The following COL19A1 variants were observed in gnomAD, a reference collection of about 807,000 sequenced individuals.
The protein encoded by COL19A1 is collagen type XIX alpha 1 chain.
COL19A1 carries 159 observed loss-of-function variants against 190.2 expected under a neutral mutation model. The observed-to-expected ratio is 0.84, with a 90% CI of 0.73 to 0.95. COL19A1 has a LOEUF of 0.95. COL19A1 is among the 40% of genes least tolerant of loss of function. The pLI is 0.00. For synonymous variants in COL19A1, 509 were observed against 458.9 expected (o/e 1.11, Z -1.39); for missense variants, 1,418 against 1,431.9 (o/e 0.99, Z 0.16).
intron 39 of COL19A1, 64 bp from the exon 40 acceptor site, chr6:70,168,591 G>A: frequency 6.5e-7 from 1 of 1,548,612 alleles, no homozygotes. Context: ...GGACAACAGT[G>A]TTTCTTATTC....
chr6:69,970,573 G>A (rs1401240999), intron 11 of COL19A1, among the ~76,000 whole-genome samples: 1 of 151,954 alleles, frequency 6.6e-6, no homozygotes, highest in African/African-American at 2.4e-5. Flanking sequence ...TGGTGATTAT[G>A]CCTATTATTT....
chr6:70,086,254 C>T (rs1782584547), intron 15 of COL19A1, among the ~76,000 whole-genome samples: 1 of 152,010 alleles, frequency 6.6e-6, no homozygotes, highest in Admixed American at 6.6e-5. Flanking sequence ...ATATAACAAA[C>T]TATACACACC....
chr6:69,961,793 C>A (rs894536675), intron 10 of COL19A1, among the ~76,000 whole-genome samples: 1 of 151,658 alleles, frequency 6.6e-6, no homozygotes, highest in African/African-American at 2.4e-5. Context: ...AACATATATG[C>A]AATTATGTGG....
At chr6:69,880,869 G>T (rs1768502200) in intron 2 of COL19A1, among the ~76,000 whole-genome samples, 1 of 152,132 alleles carries the variant, frequency 6.6e-6, no homozygotes, top group African/African-American at 2.4e-5. Flanking sequence ...CTACTCTTCT[G>T]AATTTGTCTT....
At chr6:70,019,793 C>G (rs996877438) in intron 11 of COL19A1, among the ~76,000 whole-genome samples, 4 of 152,100 alleles carry the variant, frequency 2.6e-5, no homozygotes, top group African/African-American at 9.7e-5. Flanking sequence ...GCATTCTACT[C>G]TCTACAACCT....
At chr6:70,019,411 T>C (rs1344653301) in intron 11 of COL19A1, among the ~76,000 whole-genome samples, 1 of 152,188 alleles carries the variant, frequency 6.6e-6, no homozygotes, top group Non-Finnish European at 1.5e-5. Flanking sequence ...TTATGGATAA[T>C]AGACTAATTC....
At chr6:69,887,292 T>C (rs1769009837) in intron 2 of COL19A1, among the ~76,000 whole-genome samples, 1 of 152,224 alleles carries the variant, frequency 6.6e-6, no homozygotes, top group Admixed American at 6.5e-5. Context: ...TTTATTATGG[T>C]TACATAGTCA....
rs116231613 is a variant in COL19A1, at chr6:69,930,402, G to A, written c.666+702G>A. ...GCTGCACGTTTTCTTAGTTTATTAT[G>A]TATAAACAGTTTATAGTTTATTTCT... is the stretch of plus-strand genomic sequence containing the variant. On this transcript the variant is annotated intron_variant, in intron 6 of 50. Coordinates refer to ENST00000620364, the MANE Select transcript of COL19A1 (RefSeq NM_001858.6). Among the ~76,000 whole-genome samples, 1,343 of 152,192 alleles carry A rather than the reference G, an allele frequency of 8.8e-3. 12 individuals carry two copies. The highest frequency in any genetic ancestry group is 0.03 in the African/African-American group (1,254 of 41,542).
intron 11 of COL19A1, among the ~76,000 whole-genome samples, chr6:69,983,181 TGTATTGCCTGTAA>T (rs1416984752): frequency 2.6e-5 from 4 of 151,974 alleles, no homozygotes; most frequent in Non-Finnish European, 5.9e-5. Context: ...TTAGGTTTCC[TGTATTGCCTGTAA>T]GTAATGTATT....
Position 70,185,546 on chromosome 6 carries a change from T to C in COL19A1, c.2856+631T>C, listed in dbSNP as rs187615429. Reference sequence around the variant, plus strand: ...GTGAAGTTACTAGTAATGCCAATTATGTTATATGGTTTTGTGTTGTTTGGA... The same window carrying C: ...GTGAAGTTACTAGTAATGCCAATTACGTTATATGGTTTTGTGTTGTTTGGA... On this transcript the variant is annotated intron_variant, in intron 46 of 50. Transcript: ENST00000620364. Among the ~76,000 whole-genome samples the C allele has an allele frequency of 2.8e-3, 426 of 152,314 alleles. 2 individuals carry two copies. Among genetic ancestry groups the C allele is most frequent in the African/African-American group, 9.9e-3 (412 of 41,564 alleles).
At chr6:70,092,217 T>C (rs894956026) in intron 15 of COL19A1, among the ~76,000 whole-genome samples, 6 of 152,046 alleles carry the variant, frequency 3.9e-5, no homozygotes, top group Admixed American at 3.3e-4. Context: ...TGAGGACTTT[T>C]CAGGGGATAT....
intron 1 of COL19A1, among the ~76,000 whole-genome samples, chr6:69,870,534 T>C (rs950948064): frequency 4.6e-5 from 7 of 152,158 alleles, no homozygotes; most frequent in African/African-American, 1.4e-4. Context: ...CAGAAACCTG[T>C]GAATTGTTAA....
At chr6:70,131,045 A>T (rs1562203471) in intron 18 of COL19A1, 2 of 462,150 alleles carry the variant, frequency 4.3e-6, no homozygotes, top group African/African-American at 2.0e-5. Flanking sequence ...TCCCCTTGTC[A>T]TTTGCAGGTT....
chr6:70,114,444 G>A (rs1178323512), intron 16 of COL19A1, among the ~76,000 whole-genome samples: 1 of 152,146 alleles, frequency 6.6e-6, no homozygotes, highest in Non-Finnish European at 1.5e-5. Flanking sequence ...TTTGTTATGT[G>A]TAAAATAAGG....
chr6:70,051,582 T>C (rs1249896188), intron 14 of COL19A1, among the ~76,000 whole-genome samples: 1 of 152,140 alleles, frequency 6.6e-6, no homozygotes, highest in African/African-American at 2.4e-5. Flanking sequence ...GGAGACTTTA[T>C]CTTTAACATT....
intron 15 of COL19A1, among the ~76,000 whole-genome samples, chr6:70,072,971 A>ATTTT (rs1781647108): frequency 6.7e-6 from 1 of 149,124 alleles, no homozygotes; most frequent in East Asian, 2.0e-4. Context: ...TTATTTATTT[A>ATTTT]TTTATTTATT....
At chr6:69,922,477 G>GTTTTTTT (rs5877232) in intron 4 of COL19A1, among the ~76,000 whole-genome samples, 3 of 90,806 alleles carry the variant, frequency 3.3e-5, no homozygotes, top group African/African-American at 8.0e-5. Context: ...TTCTATTTAG[G>GTTTTTTT]TTTTTTTTTT....
chr6:70,038,399 A>T (rs904721007), intron 14 of COL19A1, among the ~76,000 whole-genome samples: 1 of 152,244 alleles, frequency 6.6e-6, no homozygotes, highest in Non-Finnish European at 1.5e-5. Context: ...ATTTATGGGA[A>T]CTAGAATGGA....
chr6:69,983,197 A>T (rs1356215075), intron 11 of COL19A1, among the ~76,000 whole-genome samples: 4 of 152,040 alleles, frequency 2.6e-5, no homozygotes, highest in African/African-American at 9.6e-5. Context: ...GCCTGTAAGT[A>T]ATGTATTTTA....
Sources: gnomAD v4.1 joint callset for allele counts (sites outside exome capture counted in the v4.1 genomes callset) on GRCh38, gnomAD v4.1.1 for gene constraint, MANE v1.5 for transcripts, NCBI Gene and HGNC (gene_info 2026-07-23, HGNC 2026-07-21) for gene names.